The following RPAP3 variants were observed in gnomAD, a reference collection of about 807,000 sequenced individuals.
The protein encoded by RPAP3 is RNA polymerase II-associated protein 3.
A neutral mutation model predicts 88.8 loss-of-function variants in RPAP3; 58 were observed. The ratio of observed to expected loss-of-function variants is 0.65; its 90% CI spans 0.53 to 0.81. The LOEUF (loss-of-function observed/expected upper bound fraction) is 0.81, where lower values mean the gene tolerates loss of function less well. Ranked by LOEUF, RPAP3 falls within the 40% of genes least tolerant of loss-of-function variation. The probability of loss-of-function intolerance (pLI) is 0.00; values close to 1 mark genes in which losing one functional copy is unlikely to be tolerated. For synonymous variants in RPAP3, 255 were observed against 259.9 expected (o/e 0.98, Z 0.18); for missense variants, 751 against 764.3 (o/e 0.98, Z 0.20).
intron 12 of RPAP3, among the ~76,000 whole-genome samples, chr12:47,672,629 A>ATT (rs142939994): frequency 6.6e-6 from 1 of 151,398 alleles, no homozygotes; most frequent in Non-Finnish European, 1.5e-5. Flanking sequence ...TAATGCCGAC[A>ATT]TTTTTTTTTA....
intron 12 of RPAP3, 77 bp from the exon 13 acceptor site, chr12:47,670,422 C>T: frequency 1.3e-6 from 1 of 792,944 alleles, no homozygotes; most frequent in Admixed American, 2.6e-5. Flanking sequence ...TAAAAGGCTG[C>T]AATGATCTTA....
Position 47,667,791 on chromosome 12 carries a change from T to C in RPAP3, c.1774A>G (p.Asn592Asp). ...TCATGCAGAATTTTAACGATCTGGT[T>C]GAATACATCTGGATCCAGATTTTTC... Reference protein sequence around the residue: ...FQKNLDPDVFNQIVKILHDFY... With the variant: ...FQKNLDPDVFDQIVKILHDFY... Residue 592 changes from asparagine (N) to aspartate (D), a missense_variant, in exon 15 of 17, where the codon AAC becomes GAC. Physicochemically the swap from Asn to Asp is conservative, Grantham distance 23 (BLOSUM62 1). Transcript: ENST00000005386. 8.1e-6 allele frequency: 13 copies of C among 1,608,646 alleles called. No homozygotes were observed. Among genetic ancestry groups the C allele is most frequent in the Non-Finnish European group, 1.1e-5 (13 of 1,177,006 alleles).
chr12:47,688,826 G>T (rs190912898), intron 7 of RPAP3, among the ~76,000 whole-genome samples: 1 of 152,266 alleles, frequency 6.6e-6, no homozygotes, highest in African/African-American at 2.4e-5. Context: ...TTCAGTCAGT[G>T]CATAAGCCAA....
intron 10 of RPAP3, among the ~76,000 whole-genome samples, chr12:47,680,960 C>A (rs1025458519): frequency 1.2e-4 from 16 of 133,660 alleles, no homozygotes; most frequent in African/African-American, 2.0e-4. Flanking sequence ...CAAAAAAAAA[C>A]AAAAAAACGA....
chr12:47,674,084 T>TA (rs34101861), intron 12 of RPAP3, among the ~76,000 whole-genome samples: 57,174 of 123,282 alleles, frequency 0.46, 13,771 homozygotes, highest in Admixed American at 0.57. Flanking sequence ...TTAAAGATTC[T>TA]AAAAAAAAAA....
chr12:47,678,783 G>A (rs184118928), intron 12 of RPAP3, among the ~76,000 whole-genome samples: 139 of 152,216 alleles, frequency 9.1e-4, no homozygotes, highest in East Asian at 9.7e-4. Flanking sequence ...AAATAGGAAC[G>A]CTTTTACACT....
chr12:47,673,587 G>A (rs1939044993), intron 12 of RPAP3, among the ~76,000 whole-genome samples: 2 of 151,876 alleles, frequency 1.3e-5, no homozygotes, highest in South Asian at 2.1e-4. Flanking sequence ...ATAAAAAGAG[G>A]ATAAAAATAC....
intron 8 of RPAP3, among the ~76,000 whole-genome samples, chr12:47,687,638 T>G (rs1460446158): frequency 6.6e-6 from 1 of 152,116 alleles, no homozygotes; most frequent in Non-Finnish European, 1.5e-5. Context: ...TATAAAACAT[T>G]CAAAAGTAGT....
Position 47,669,798 on chromosome 12 carries a change from A to C in RPAP3, c.1526+309T>G, listed in dbSNP as rs1316768655. ...CATTTTTATGAAGCTTCCTTTTAAA[A>C]AACTAAAATTTTGCTGAACTAAATA... On this transcript the variant is annotated intron_variant, in intron 13 of 16. Coordinates refer to ENST00000005386, the MANE Select transcript of RPAP3 (RefSeq NM_024604.3). Among the ~76,000 whole-genome samples the C allele has an allele frequency of 2.0e-5, 3 of 152,216 alleles. No homozygotes were observed. The East Asian group carries it at 5.8e-4, about 29-fold the overall frequency.
chr12:47,689,967 G>A (rs906033993), intron 6 of RPAP3, among the ~76,000 whole-genome samples: 6 of 151,412 alleles, frequency 4.0e-5, no homozygotes, highest in African/African-American at 9.7e-5. Flanking sequence ...ATTTGAACCC[G>A]GGAGGCGGAG....
chr12:47,695,808 C>T (rs1939513319), intron 5 of RPAP3: 1 of 152,178 alleles, frequency 6.6e-6, no homozygotes, highest in South Asian at 2.1e-4. Flanking sequence ...TGGTTACCTG[C>T]ATGTGATAAG....
At chr12:47,689,767 C>A (rs1460967432) in intron 6 of RPAP3, among the ~76,000 whole-genome samples, 1 of 152,108 alleles carries the variant, frequency 6.6e-6, no homozygotes, top group Admixed American at 6.6e-5. Flanking sequence ...GCAGGCCGGG[C>A]GCAGTGGCTC....
At chr12:47,666,433 C>T (rs1448302623) in intron 16 of RPAP3, among the ~76,000 whole-genome samples, 1 of 152,194 alleles carries the variant, frequency 6.6e-6, no homozygotes, top group Non-Finnish European at 1.5e-5. Context: ...AACTCTCTTG[C>T]CCAGCCTTTC....
At chr12:47,688,943 G>A (rs1034981193) in intron 7 of RPAP3, among the ~76,000 whole-genome samples, 182 bp downstream of exon 7, 1 of 151,838 alleles carries the variant, frequency 6.6e-6, no homozygotes, top group African/African-American at 2.4e-5. Context: ...AACAATCAAG[G>A]GTCTTTAAAT....
In RPAP3 at chr12:47,667,019, C is replaced by G; in HGVS notation, c.1873G>C (p.Asp625His). 2 of 1,546,758 alleles carry G rather than the reference C, an allele frequency of 1.3e-6. No individual in the cohort carries two copies. The highest frequency in any genetic ancestry group is 1.7e-6 in the Non-Finnish European group (2 of 1,155,372). The change falls in exon 16 of 17, where the codon GAT becomes CAT. Residue 625 changes from aspartate to histidine, a missense_variant. By Grantham distance (81) the Asp-to-His change is moderately conservative. Transcript: ENST00000005386. ...LQRLSELKRF[D>H]MAVMFMSETE... ...TCTGACATAAACATCACTGCCATAT[C>G]AAACCTTTTTAGTTCAGAAAGTCTT...
At chr12:47,667,903 C>T (rs780230010) in intron 14 of RPAP3, 52 bp from the exon 15 acceptor site, 1 of 1,115,162 alleles carries the variant, frequency 9.0e-7, no homozygotes, top group Admixed American at 2.0e-5. Context: ...TTACATATCA[C>T]AAATTACACA....
Position 47,663,422 on chromosome 12 carries a change from C to T in RPAP3, c.*83G>A, listed in dbSNP as rs564929897. The T allele has an allele frequency of 6.9e-5, 58 of 836,760 alleles. 1 individual carries two copies. In the South Asian group the frequency reaches 8.2e-4, roughly 12 times the overall value. The allele number at this position is 836,760 out of a possible 1,614,324, so 51.8% of individuals were successfully genotyped here. A position where few individuals can be genotyped will look rare whatever the true frequency, so the allele number is the denominator to read the frequency against. On this transcript the variant is annotated 3_prime_UTR_variant, in exon 17 of 17. Coordinates refer to ENST00000005386, the MANE Select transcript of RPAP3 (RefSeq NM_024604.3). ...ATAGTCCTTTCCTGCTATATAATTT[C>T]ATTTTCTTAAAAAGCAAAACACTTT...
In RPAP3 at chr12:47,661,261, A is replaced by T. The variant is rs557383903; in HGVS notation, c.*2244T>A. 2 of 152,324 alleles carry T rather than the reference A, an allele frequency of 1.3e-5. No individual in the cohort carries two copies. Among genetic ancestry groups the T allele is most frequent in the African/African-American group, 4.8e-5 (2 of 41,576 alleles). 9.4% of individuals were successfully genotyped at this position (152,324 alleles called of 1,614,324 possible). Reference sequence around the variant, plus strand: ...TTGTATACGCAGGTTATTTGACCCAAAAATGACTTTATTAACCACTATGCT... The same window carrying T: ...TTGTATACGCAGGTTATTTGACCCATAAATGACTTTATTAACCACTATGCT... On this transcript the variant is annotated 3_prime_UTR_variant, in exon 17 of 17. Coordinates refer to ENST00000005386, the MANE Select transcript of RPAP3 (RefSeq NM_024604.3).
rs761096038 is a variant in RPAP3 at position 47,697,650 on chromosome 12, C to A, written c.364G>T (p.Glu122Ter). Residue 122 changes from glutamate (E) to a stop codon, truncating the protein, a stop_gained, in exon 4 of 17, where the codon GAA becomes TAA. Coordinates refer to ENST00000005386, the MANE Select transcript of RPAP3 (RefSeq NM_024604.3). LOFTEE classifies it high-confidence loss of function. ...HESLSQESES[E>*]EDGIHVDSQK... ...GAATCTACATGAATCCCATCTTCTT[C>A]CGACTCTGATTCTTGAGACAGAGAC... The A allele has an allele frequency of 4.3e-6, 7 of 1,611,028 alleles. No homozygotes were observed. Among genetic ancestry groups the A allele is most frequent in the Non-Finnish European group, 5.9e-6 (7 of 1,178,458 alleles).
Sources: allele counts gnomAD v4.1 joint callset (sites outside exome capture counted in the v4.1 genomes callset), GRCh38; gene constraint gnomAD v4.1.1; transcripts MANE v1.5; gene names NCBI Gene and HGNC (gene_info 2026-07-23, HGNC 2026-07-21).